OPCML: variants seen among roughly 807,000 people sequenced by gnomAD.
OPCML encodes opioid binding protein/cell adhesion molecule like, also known as opioid-binding protein/cell adhesion molecule.
In OPCML, 13 loss-of-function variants were observed where a neutral mutation model predicts 37.8. The observed-to-expected ratio is 0.34, with a 90% CI of 0.22 to 0.55. The LOEUF (loss-of-function observed/expected upper bound fraction) is 0.55, where lower values mean the gene tolerates loss of function less well. OPCML is among the 20% of genes least tolerant of loss of function. The pLI, the probability that OPCML is intolerant of heterozygous loss-of-function variation, is 0.91. For synonymous variants in OPCML, 176 were observed against 168.8 expected (o/e 1.04, Z -0.33); for missense variants, 341 against 435.6 (o/e 0.78, Z 1.93).
At chr11:133,468,539 T>C (rs150378490) in intron 1 of OPCML, among the ~76,000 whole-genome samples, 2 of 152,298 alleles carry the variant, frequency 1.3e-5, no homozygotes, top group African/African-American at 4.8e-5. Flanking sequence ...CAGGTCCAGA[T>C]GACTGACTCT....
chr11:133,147,779 C>T (rs1949918353), intron 1 of OPCML, among the ~76,000 whole-genome samples: 3 of 152,162 alleles, frequency 2.0e-5, no homozygotes, highest in Admixed American at 2.0e-4. Context: ...GATAGAATCC[C>T]TGTCCTTGAG....
At chr11:132,549,388 T>A (rs1201127574) in intron 3 of OPCML, among the ~76,000 whole-genome samples, 1 of 152,216 alleles carries the variant, frequency 6.6e-6, no homozygotes, top group Non-Finnish European at 1.5e-5. Context: ...ATCCACCCCT[T>A]GCTTAGCATA....
At chr11:132,827,781 A>G (rs1269974750) in intron 2 of OPCML, among the ~76,000 whole-genome samples, 1 of 151,382 alleles carries the variant, frequency 6.6e-6, no homozygotes, top group African/African-American at 2.4e-5. Context: ...CTAGGACTAC[A>G]GGCGCATGCC....
At chr11:132,438,797 T>C (rs967982960) in intron 4 of OPCML, among the ~76,000 whole-genome samples, 1 of 151,884 alleles carries the variant, frequency 6.6e-6, no homozygotes, top group African/African-American at 2.4e-5. Flanking sequence ...GGCTTGGGTA[T>C]AGGGGGTAAG....
intron 1 of OPCML, among the ~76,000 whole-genome samples, chr11:133,401,325 A>G (rs964457886): frequency 2.6e-5 from 4 of 152,206 alleles, no homozygotes; most frequent in African/African-American, 7.2e-5. Flanking sequence ...GAAAATCCAT[A>G]TGTATTTTCT....
rs1943019819 is a variant in OPCML, at chr11:133,309,616, A to G, written c.61+222648T>C. ...AACATTCTAATATGTTCTGTAGATT[A>G]GTTAACAGGATTGTGCCAAGGTTAA... On this transcript the variant is annotated intron_variant, in intron 1 of 7. Coordinates refer to ENST00000524381, the MANE Select transcript of OPCML (RefSeq NM_001012393.5). Among the ~76,000 whole-genome samples, 3 of 152,368 alleles carry G rather than the reference A, an allele frequency of 2.0e-5. No homozygotes were observed. The South Asian group carries it at 6.2e-4, about 32-fold the overall frequency.
intron 2 of OPCML, among the ~76,000 whole-genome samples, chr11:132,837,956 C>T (rs1471178204): frequency 5.9e-5 from 9 of 152,202 alleles, no homozygotes. Flanking sequence ...GCCGCTGTCA[C>T]GTCATCCTAG....
chr11:132,473,578 C>T (rs1162726328), intron 4 of OPCML, among the ~76,000 whole-genome samples: 1 of 152,200 alleles, frequency 6.6e-6, no homozygotes, highest in African/African-American at 2.4e-5. Context: ...ATAATCTCAG[C>T]ACTTTGGGAG....
intron 4 of OPCML, among the ~76,000 whole-genome samples, chr11:132,502,743 G>A (rs546487719): frequency 6.6e-6 from 1 of 152,294 alleles, no homozygotes; most frequent in South Asian, 2.1e-4. Flanking sequence ...ATGAGAAGGG[G>A]TAATTAAGTA....
At chr11:133,076,052 G>T (rs867589589) in intron 1 of OPCML, among the ~76,000 whole-genome samples, 2 of 152,020 alleles carry the variant, frequency 1.3e-5, no homozygotes, top group Non-Finnish European at 2.9e-5. Flanking sequence ...TTAGAAAGAC[G>T]CTGTATGTTC....
intron 1 of OPCML, among the ~76,000 whole-genome samples, chr11:133,138,860 A>G (rs1469091409): frequency 6.6e-6 from 1 of 152,194 alleles, no homozygotes; most frequent in Non-Finnish European, 1.5e-5. Flanking sequence ...GCTCCTAAGC[A>G]TTGCCCGGAA....
intron 3 of OPCML, among the ~76,000 whole-genome samples, chr11:132,587,128 G>T (rs550716968): frequency 1.3e-5 from 2 of 152,308 alleles, no homozygotes; most frequent in East Asian, 3.9e-4. Flanking sequence ...CAACAGACTT[G>T]ATGATACTGG....
At chr11:133,023,424 G>T (rs1384241910) in intron 1 of OPCML, among the ~76,000 whole-genome samples, 1 of 152,140 alleles carries the variant, frequency 6.6e-6, no homozygotes, top group Non-Finnish European at 1.5e-5. Flanking sequence ...ATAAATGAAA[G>T]ATATTATTAT....
chr11:132,854,595 A>G (rs1305154630), intron 2 of OPCML, among the ~76,000 whole-genome samples: 3 of 152,234 alleles, frequency 2.0e-5, no homozygotes, highest in African/African-American at 4.8e-5. Context: ...AAGAGATTCC[A>G]AAGGTTTTAG....
chr11:132,810,158 G>A (rs1010251542), intron 2 of OPCML, among the ~76,000 whole-genome samples: 2 of 152,020 alleles, frequency 1.3e-5, no homozygotes, highest in Non-Finnish European at 2.9e-5. Flanking sequence ...CTCTCCCTCC[G>A]TCTTCTGAGC....
At chr11:133,496,635 C>T (rs1947793757) in intron 1 of OPCML, among the ~76,000 whole-genome samples, 1 of 152,000 alleles carries the variant, frequency 6.6e-6, no homozygotes, top group South Asian at 2.1e-4. Flanking sequence ...AGGTATATTC[C>T]TAAGTATTTT....
At chr11:133,395,430 G>A (rs1565611783) in intron 1 of OPCML, among the ~76,000 whole-genome samples, 1 of 152,064 alleles carries the variant, frequency 6.6e-6, no homozygotes, top group Non-Finnish European at 1.5e-5. Flanking sequence ...TTTTGCTTTG[G>A]TTGCCTGTAC....
intron 1 of OPCML, among the ~76,000 whole-genome samples, chr11:133,164,279 C>A (rs1950181324): frequency 6.6e-6 from 1 of 152,204 alleles, no homozygotes; most frequent in South Asian, 2.1e-4. Context: ...TCCCAACACA[C>A]CCACCCTTTC....
intron 2 of OPCML, among the ~76,000 whole-genome samples, chr11:132,930,121 T>A (rs1285173838): frequency 6.6e-6 from 1 of 152,120 alleles, no homozygotes; most frequent in Non-Finnish European, 1.5e-5. Flanking sequence ...CCCAGTACTA[T>A]GGGATCCCAA....
Sources: allele counts gnomAD v4.1 joint callset (sites outside exome capture counted in the v4.1 genomes callset), GRCh38; gene constraint gnomAD v4.1.1; transcripts MANE v1.5; gene names NCBI Gene and HGNC (gene_info 2026-07-23, HGNC 2026-07-21).